CPVL: variants seen among roughly 807,000 people sequenced by gnomAD.
The protein encoded by CPVL is carboxypeptidase vitellogenic like.
Under a neutral mutation model 63.7 loss-of-function variants are expected in CPVL, and 51 were observed. The ratio of observed to expected loss-of-function variants is 0.80; its 90% confidence interval spans 0.64 to 1.01. CPVL has a LOEUF of 1.01. Among genes scored for constraint, CPVL ranks in the 50% least tolerant of loss-of-function variants. The pLI, the probability that CPVL is intolerant of heterozygous loss-of-function variation, is 0.00. For synonymous variants in CPVL, 195 were observed against 206.0 expected, an observed-to-expected ratio of 0.95 and a Z score of 0.46; for missense variants, 530 against 573.1, an observed-to-expected ratio of 0.92 and a Z score of 0.77.
chr7:29,021,192 C>A (rs186749475), intron 12 of CPVL, among the ~76,000 whole-genome samples: 106 of 151,868 alleles, frequency 7.0e-4, no homozygotes, highest in African/African-American at 2.5e-3. Context: ...TATAAAGCAA[C>A]TTTATGTCAA....
intron 9 of CPVL, among the ~76,000 whole-genome samples, chr7:29,068,267 G>C (rs1006924233): frequency 7.9e-5 from 12 of 151,918 alleles, no homozygotes; most frequent in African/African-American, 2.9e-4. Flanking sequence ...TGCCCACCTC[G>C]GCCTCCTAAA....
At chr7:29,149,885 C>T (rs1221351399), upstream of CPVL, among the ~76,000 whole-genome samples, 1 of 152,194 alleles carries the variant, frequency 6.6e-6, no homozygotes, top group Non-Finnish European at 1.5e-5. Flanking sequence ...ACACCAATGA[C>T]ATTGGATTAG....
At chr7:29,163,085 A>T (rs1368651566) in intron 5 of CPVL, among the ~76,000 whole-genome samples, 1 of 152,146 alleles carries the variant, frequency 6.6e-6, no homozygotes, top group Non-Finnish European at 1.5e-5. Context: ...GATTCATGGG[A>T]TCTGTTTATA....
At chr7:29,143,836 C>A (rs561274532) in intron 1 of CPVL, among the ~76,000 whole-genome samples, 59 of 152,314 alleles carry the variant, frequency 3.9e-4, no homozygotes, top group African/African-American at 1.3e-3. Context: ...CTGTCCTGCA[C>A]CCCAGGGTCT....
At chr7:29,175,915 G>C (rs908373934) in intron 5 of CPVL, among the ~76,000 whole-genome samples, 2 of 152,266 alleles carry the variant, frequency 1.3e-5, no homozygotes, top group East Asian at 3.9e-4. Flanking sequence ...AGACGGGCGC[G>C]GTGGCTCATG....
At chr7:29,010,263 A>G (rs1785678494) in intron 12 of CPVL, 1 of 151,956 alleles carries the variant, frequency 6.6e-6, no homozygotes, top group African/African-American at 2.4e-5. Flanking sequence ...TAAGTTGCCA[A>G]ATTTTTTTTT....
At chr7:29,114,278 G>A (rs1272090157) in intron 2 of CPVL, among the ~76,000 whole-genome samples, 1 of 152,158 alleles carries the variant, frequency 6.6e-6, no homozygotes, top group Non-Finnish European at 1.5e-5. Context: ...TACATGATGT[G>A]GGAAGTATAG....
intron 3 of CPVL, among the ~76,000 whole-genome samples, chr7:29,111,688 G>A (rs1240311865): frequency 1.3e-5 from 2 of 152,136 alleles, no homozygotes; most frequent in Non-Finnish European, 2.9e-5. Context: ...CTATGTCAGA[G>A]GCCATGTAGT....
intron 5 of CPVL, among the ~76,000 whole-genome samples, chr7:29,152,156 C>T (rs1694224068): frequency 6.6e-6 from 1 of 152,148 alleles, no homozygotes; most frequent in South Asian, 2.1e-4. Context: ...AACTAGGTCA[C>T]ATCACCAAAT....
chr7:29,089,618 C>T (rs139250885), intron 6 of CPVL, among the ~76,000 whole-genome samples: 6 of 152,110 alleles, frequency 3.9e-5, no homozygotes, highest in African/African-American at 1.2e-4. Context: ...AACACCCAGG[C>T]GTTACCACCC....
chr7:29,089,896 C>T (rs986656769), intron 6 of CPVL, among the ~76,000 whole-genome samples: 2 of 148,704 alleles, frequency 1.3e-5, no homozygotes, highest in African/African-American at 5.0e-5. Context: ...GAGTTTCGCT[C>T]TTGTTGCCCA....
chr7:29,096,907 C>T (rs1177411227), intron 3 of CPVL, among the ~76,000 whole-genome samples: 1 of 149,756 alleles, frequency 6.7e-6, no homozygotes, highest in Non-Finnish European at 1.5e-5. Flanking sequence ...CTCGCTCAAA[C>T]CCTGGAGACG....
At chr7:29,128,425 C>T (rs1267106178) in intron 1 of CPVL, among the ~76,000 whole-genome samples, 1 of 152,024 alleles carries the variant, frequency 6.6e-6, no homozygotes, top group Non-Finnish European at 1.5e-5. Flanking sequence ...GGTGACAAAA[C>T]TCTCTCTGGG....
rs1363520651 is a variant in CPVL at position 29,095,096 on chromosome 7, G to A, written c.450C>T (p.Tyr150=). The change falls in exon 5 of 13, where the codon TAC becomes TAT. Residue 150 remains tyrosine (Y), a synonymous_variant. Transcript: ENST00000265394. Reference sequence around the variant, plus strand: ...ATCCCGGACTTACTGGATTGTCAATGTAAAGCATGGAGAGCGTTGTGGTCC... The same window carrying A: ...ATCCCGGACTTACTGGATTGTCAATATAAAGCATGGAGAGCGTTGTGGTCC... ...FPWTTTLSML[Y]IDNPVGTGFS... is the part of the protein sequence containing the mutation. 5 of 1,613,846 alleles carry A rather than the reference G, an allele frequency of 3.1e-6. No individual in the cohort carries two copies. The highest frequency in any genetic ancestry group is 3.4e-6 in the Non-Finnish European group (4 of 1,179,710).
At chr7:29,015,218 G>T (rs1202133970) in intron 12 of CPVL, among the ~76,000 whole-genome samples, 2 of 152,150 alleles carry the variant, frequency 1.3e-5, no homozygotes, top group Non-Finnish European at 2.9e-5. Flanking sequence ...TTCTATGGTG[G>T]TTAGCATGTG....
At chr7:29,187,493 G>A (rs949145729) in intron 1 of CPVL, among the ~76,000 whole-genome samples, 1 of 152,138 alleles carries the variant, frequency 6.6e-6, no homozygotes, top group Non-Finnish European at 1.5e-5. Context: ...GGAGGCCGAG[G>A]TGGGCGGATC....
At chr7:29,179,642 A>G (rs933132051) in intron 5 of CPVL, among the ~76,000 whole-genome samples, 3 of 152,270 alleles carry the variant, frequency 2.0e-5, no homozygotes. Flanking sequence ...ATATATGTAA[A>G]TAAATATTCT....
chr7:29,145,577 ACCATAGACT>A (rs1482204317), intron 1 of CPVL, among the ~76,000 whole-genome samples: 2,383 of 146,550 alleles, frequency 0.016, 59 homozygotes, highest in African/African-American at 0.054. Context: ...TTCTGTCTTC[ACCATAGACT>A]TCATCATCAA....
chr7:29,055,866 C>T (rs2128178223), intron 11 of CPVL, among the ~76,000 whole-genome samples: 1 of 152,276 alleles, frequency 6.6e-6, no homozygotes, highest in East Asian at 1.9e-4. Context: ...TGTCATTTAT[C>T]CTGAATTCAA....
Sources: allele counts gnomAD v4.1 joint callset (sites outside exome capture counted in the v4.1 genomes callset), GRCh38; gene constraint gnomAD v4.1.1; transcripts MANE v1.5; gene names NCBI Gene and HGNC (gene_info 2026-07-23, HGNC 2026-07-21).